RBM47: variants seen among roughly 807,000 people sequenced by gnomAD.
RBM47 encodes RNA-binding protein 47.
In RBM47, 21 loss-of-function variants were observed where a neutral mutation model predicts 47.1. The observed-to-expected ratio is 0.45, with a 90% CI of 0.32 to 0.64. RBM47 has a LOEUF of 0.64. Among genes scored for constraint, RBM47 ranks in the 30% least tolerant of loss-of-function variants. RBM47 has a pLI of 0.05. For synonymous variants in RBM47, 375 were observed against 361.7 expected, an observed-to-expected ratio of 1.04 and a Z score of -0.42; for missense variants, 708 against 870.9, an observed-to-expected ratio of 0.81 and a Z score of 2.35.
chr4:40,462,737 T>A (rs1717356636), intron 3 of RBM47, among the ~76,000 whole-genome samples: 2 of 151,728 alleles, frequency 1.3e-5, no homozygotes, highest in South Asian at 4.2e-4. Flanking sequence ...CGAGATTTGG[T>A]GGGAATCAAA....
At chr4:40,513,248 G>A (rs754714868) in intron 2 of RBM47, among the ~76,000 whole-genome samples, 14 of 152,168 alleles carry the variant, frequency 9.2e-5, no homozygotes, top group African/African-American at 1.9e-4. Flanking sequence ...TACTGCAAGC[G>A]TCATTGGGCA....
In RBM47 at chr4:40,426,451, C is replaced by T. The variant is rs139528192; in HGVS notation, c.1543-308G>A. ...CACAGGTGATTGGCTCTAGGACCTC[C>T]GTGGATACCAAAATCCTCAGATGCT... On this transcript the variant is annotated intron_variant, in intron 6 of 6. Coordinates refer to ENST00000295971, the MANE Select transcript of RBM47 (RefSeq NM_001098634.2). 3.5e-3 allele frequency among the ~76,000 whole-genome samples: 531 copies of T among 152,246 alleles called. 3 individuals carry two copies. The highest frequency in any genetic ancestry group is 6.2e-3 in the Non-Finnish European group (424 of 68,012).
Position 40,441,035 on chromosome 4 carries a change from C to T in RBM47, c.-31-2111G>A, listed in dbSNP as rs560796838. ...TTCAAGTGCTTGGAAGCTGGTTTGA[C>T]GTCTCCAGTTATCATGAAATTTTTT... is the stretch of plus-strand genomic sequence containing the variant. On this transcript the variant is annotated intron_variant, in intron 3 of 6. Coordinates refer to ENST00000295971, the MANE Select transcript of RBM47 (RefSeq NM_001098634.2). Among the ~76,000 whole-genome samples, 9 of 152,118 alleles carry T rather than the reference C, an allele frequency of 5.9e-5. No individual in the cohort carries two copies. In the South Asian group the frequency reaches 6.2e-4, roughly 11 times the overall value.
intron 1 of RBM47, among the ~76,000 whole-genome samples, chr4:40,576,721 G>A (rs1732375104): frequency 6.6e-6 from 1 of 152,128 alleles, no homozygotes; most frequent in Admixed American, 6.6e-5. Context: ...ACAGGTGCAA[G>A]CTCAGCTCAT....
chr4:40,600,985 CAA>C (rs56054491), intron 1 of RBM47, among the ~76,000 whole-genome samples: 14 of 50,096 alleles, frequency 2.8e-4, no homozygotes, highest in Non-Finnish European at 4.6e-4. Context: ...AACTCCGTCT[CAA>C]AAAAAAAAAA....
intron 2 of RBM47, among the ~76,000 whole-genome samples, chr4:40,497,380 A>G (rs1277874098): frequency 6.6e-6 from 1 of 152,170 alleles, no homozygotes; most frequent in Non-Finnish European, 1.5e-5. Flanking sequence ...GCACTTTGAG[A>G]GGCCAAGGTG....
chr4:40,468,526 C>G (rs1022952769), intron 2 of RBM47, among the ~76,000 whole-genome samples: 1 of 152,086 alleles, frequency 6.6e-6, no homozygotes, highest in Non-Finnish European at 1.5e-5. Flanking sequence ...GTGGAGACAC[C>G]GTAAGACCTT....
intron 1 of RBM47, among the ~76,000 whole-genome samples, chr4:40,611,845 T>C (rs973847453): frequency 2.6e-5 from 4 of 152,162 alleles, no homozygotes; most frequent in African/African-American, 9.7e-5. Context: ...AAAGAGCATC[T>C]GAGATTAAAC....
chr4:40,613,351 A>T (rs1001993534), intron 1 of RBM47, among the ~76,000 whole-genome samples: 1 of 151,134 alleles, frequency 6.6e-6, no homozygotes, highest in Non-Finnish European at 1.5e-5. Flanking sequence ...GTCCCTCAAT[A>T]AAAAAAAAGT....
At position 40,545,197 on chromosome 4, in the gene RBM47, ATG is replaced by A. The variant is rs1303655073; in HGVS notation, c.-239-693_-239-692del. ...CTCCCAAGTAGCTGGGATTACAGGC[ATG>A]CCCCACCATGCCCAGCTAATGTTTT... On this transcript the variant is annotated intron_variant, in intron 1 of 6. Transcript: ENST00000295971. 6.7e-3 allele frequency among the ~76,000 whole-genome samples: 1,019 copies of A among 151,234 alleles called. 7 individuals carry two copies. The highest frequency in any genetic ancestry group is 0.024 in the African/African-American group (972 of 41,342).
intron 1 of RBM47, among the ~76,000 whole-genome samples, chr4:40,566,726 C>T (rs1024672282): frequency 6.6e-6 from 1 of 152,038 alleles, no homozygotes; most frequent in Admixed American, 6.6e-5. Flanking sequence ...CATTTCACCT[C>T]TCTGTAGCTC....
At chr4:40,431,520 T>C (rs1178599439) in intron 6 of RBM47, among the ~76,000 whole-genome samples, 5 of 152,032 alleles carry the variant, frequency 3.3e-5, no homozygotes, top group African/African-American at 1.2e-4. Flanking sequence ...TAGCCGGGCA[T>C]GGTGGCGTGC....
chr4:40,506,861 G>A (rs996050533), intron 2 of RBM47, among the ~76,000 whole-genome samples: 6 of 152,194 alleles, frequency 3.9e-5, no homozygotes, highest in East Asian at 1.9e-4. Flanking sequence ...TTGGTCAGGC[G>A]TGGTGGCTCA....
At chr4:40,429,172 G>T (rs190016742) in intron 6 of RBM47, among the ~76,000 whole-genome samples, 3 of 152,058 alleles carry the variant, frequency 2.0e-5, no homozygotes, top group Admixed American at 6.6e-5. Flanking sequence ...CAGATTGACC[G>T]TCAAGGAACC....
chr4:40,593,688 G>A (rs1289730391), intron 1 of RBM47, among the ~76,000 whole-genome samples: 1 of 152,004 alleles, frequency 6.6e-6, no homozygotes, highest in East Asian at 1.9e-4. Context: ...AGACCATCCT[G>A]GCTAACACGG....
intron 2 of RBM47, among the ~76,000 whole-genome samples, chr4:40,473,525 T>A (rs1171091599): frequency 6.6e-6 from 1 of 152,244 alleles, no homozygotes; most frequent in African/African-American, 2.4e-5. Context: ...CAGGTAGGAA[T>A]TTTTTCAAGA....
chr4:40,550,616 A>C (rs6447189), intron 1 of RBM47, among the ~76,000 whole-genome samples: 22,743 of 151,746 alleles, frequency 0.15, 1,967 homozygotes, highest in African/African-American at 0.23. Flanking sequence ...ATGGAGTTTC[A>C]CCATGTGGGC....
intron 2 of RBM47, among the ~76,000 whole-genome samples, chr4:40,522,679 A>T (rs1165059599): frequency 6.6e-6 from 1 of 152,172 alleles, no homozygotes; most frequent in Non-Finnish European, 1.5e-5. Flanking sequence ...TGAAAATGAC[A>T]TACCTCAATA....
intron 1 of RBM47, among the ~76,000 whole-genome samples, chr4:40,577,241 G>A (rs942691807): frequency 6.6e-6 from 1 of 152,144 alleles, no homozygotes; most frequent in African/African-American, 2.4e-5. Flanking sequence ...TTTCAGTTCT[G>A]GGAAAGGGGC....
Sources: gnomAD v4.1 joint callset for allele counts (sites outside exome capture counted in the v4.1 genomes callset) on GRCh38, gnomAD v4.1.1 for gene constraint, MANE v1.5 for transcripts, NCBI Gene and HGNC (gene_info 2026-07-23, HGNC 2026-07-21) for gene names.